SLC25A21: variants seen among roughly 807,000 people sequenced by gnomAD.
SLC25A21 encodes solute carrier family 25 member 21.
Under a neutral mutation model 43.8 loss-of-function variants are expected in SLC25A21, and 47 were observed. The observed-to-expected ratio is 1.07, with a 90% CI of 0.85 to 1.37. The LOEUF is 1.37. Ranked by LOEUF, SLC25A21 falls within the 40% of genes most tolerant of loss-of-function variation. SLC25A21 has a pLI of 0.00. For missense variants in SLC25A21, 352 were observed against 350.2 expected (o/e 1.00, Z -0.04); for synonymous variants, 131 against 121.3 (o/e 1.08, Z -0.52).
intron 2 of SLC25A21, among the ~76,000 whole-genome samples, chr14:36,843,897 A>C (rs1490853659): frequency 6.6e-6 from 1 of 152,186 alleles, no homozygotes; most frequent in Non-Finnish European, 1.5e-5. Flanking sequence ...GTATCTCTTC[A>C]TGTCAGAGAG....
intron 1 of SLC25A21, among the ~76,000 whole-genome samples, chr14:37,018,007 G>A (rs1259993283): frequency 2.0e-5 from 3 of 151,596 alleles, no homozygotes; most frequent in Non-Finnish European, 4.4e-5. Flanking sequence ...TGTAAACTAT[G>A]CAATGATATA....
intron 5 of SLC25A21, among the ~76,000 whole-genome samples, chr14:36,728,543 C>A (rs1433595294): frequency 7.9e-5 from 12 of 152,174 alleles, no homozygotes; most frequent in Non-Finnish European, 4.4e-5. Context: ...AGCCATGTCT[C>A]CCAGCTATCT....
chr14:36,837,623 G>A (rs1213496187), intron 2 of SLC25A21, among the ~76,000 whole-genome samples: 8 of 152,130 alleles, frequency 5.3e-5, no homozygotes, highest in African/African-American at 1.4e-4. Flanking sequence ...CAGGCTTGGC[G>A]AGCAATGGCT....
At chr14:36,776,215 T>C (rs966285310) in intron 3 of SLC25A21, among the ~76,000 whole-genome samples, 2 of 130,944 alleles carry the variant, frequency 1.5e-5, no homozygotes, top group Non-Finnish European at 3.1e-5. Flanking sequence ...ACTGCTTTCT[T>C]TTTTCTTTTT....
intron 1 of SLC25A21, among the ~76,000 whole-genome samples, chr14:37,114,600 A>C (rs1390698936): frequency 6.6e-6 from 1 of 152,202 alleles, no homozygotes; most frequent in Non-Finnish European, 1.5e-5. Flanking sequence ...TCACATTATC[A>C]ATATATCATA....
intron 1 of SLC25A21, among the ~76,000 whole-genome samples, chr14:36,903,497 C>T (rs1891450295): frequency 6.6e-6 from 1 of 151,430 alleles, no homozygotes; most frequent in African/African-American, 2.4e-5. Context: ...CCTGTAATCC[C>T]AGCTACTCGG....
At chr14:37,050,154 G>A (rs1961673905) in intron 1 of SLC25A21, among the ~76,000 whole-genome samples, 1 of 152,186 alleles carries the variant, frequency 6.6e-6, no homozygotes. Flanking sequence ...TTTGCCTTTA[G>A]TGTGAAGTGT....
chr14:37,022,834 A>G (rs1961015534), intron 1 of SLC25A21, among the ~76,000 whole-genome samples: 1 of 152,080 alleles, frequency 6.6e-6, no homozygotes. Flanking sequence ...GAATTAGGAC[A>G]AATCATTTCT....
intron 2 of SLC25A21, among the ~76,000 whole-genome samples, chr14:36,834,878 A>C (rs1889155833): frequency 6.6e-6 from 1 of 152,218 alleles, no homozygotes; most frequent in African/African-American, 2.4e-5. Flanking sequence ...TAGCATAAAC[A>C]CAAGTATGAT....
At chr14:36,798,082 T>C (rs550883248) in intron 3 of SLC25A21, among the ~76,000 whole-genome samples, 2 of 152,316 alleles carry the variant, frequency 1.3e-5, no homozygotes, top group East Asian at 3.9e-4. Context: ...GATTAGAAGT[T>C]CAATAAAATG....
intron 1 of SLC25A21, among the ~76,000 whole-genome samples, chr14:36,977,185 T>C (rs546301523): frequency 6.6e-6 from 1 of 152,322 alleles, no homozygotes; most frequent in South Asian, 2.1e-4. Context: ...TTTTCTGATC[T>C]GGGGATCTAT....
chr14:37,155,147 T>A (rs1324134783), intron 1 of SLC25A21, among the ~76,000 whole-genome samples: 1 of 152,030 alleles, frequency 6.6e-6, no homozygotes, highest in East Asian at 1.9e-4. Flanking sequence ...CTCAGCTCAC[T>A]GCAACCTCTG....
chr14:36,962,869 T>G (rs556853475), intron 1 of SLC25A21, among the ~76,000 whole-genome samples: 6 of 152,316 alleles, frequency 3.9e-5, no homozygotes, highest in African/African-American at 1.4e-4. Context: ...TGAAATTCAT[T>G]TTTAATAATT....
At chr14:36,798,570 G>GT (rs1171910175) in intron 3 of SLC25A21, among the ~76,000 whole-genome samples, 1 of 145,650 alleles carries the variant, frequency 6.9e-6, no homozygotes, top group Non-Finnish European at 1.5e-5. Flanking sequence ...TTTTTTTAAT[G>GT]TAACTGGTAT....
chr14:36,881,280 T>C (rs1890715500), intron 1 of SLC25A21, among the ~76,000 whole-genome samples: 1 of 152,190 alleles, frequency 6.6e-6, no homozygotes, highest in East Asian at 1.9e-4. Flanking sequence ...GTATTCTTTA[T>C]ATTTGAGATT....
intron 1 of SLC25A21, among the ~76,000 whole-genome samples, chr14:37,061,027 T>C (rs1961937470): frequency 1.3e-5 from 2 of 152,136 alleles, no homozygotes; most frequent in Non-Finnish European, 2.9e-5. Flanking sequence ...AGGAAGTGAA[T>C]GCAGGTGGTT....
chr14:36,754,244 G>T (rs1179077656), intron 3 of SLC25A21, among the ~76,000 whole-genome samples: 1 of 152,120 alleles, frequency 6.6e-6, no homozygotes, highest in East Asian at 1.9e-4. Flanking sequence ...GGCCTGAGTA[G>T]AACAAAAGGC....
chr14:36,771,639 T>C lies in SLC25A21; in HGVS notation c.204-37066A>G, dbSNP rs147648520. Among the ~76,000 whole-genome samples the C allele has an allele frequency of 1.2e-3, 180 of 152,234 alleles. 2 individuals carry two copies. The highest frequency in any genetic ancestry group is 4.0e-3 in the African/African-American group (168 of 41,534). On this transcript the variant is annotated intron_variant, in intron 3 of 9. Coordinates refer to ENST00000331299, the MANE Select transcript of SLC25A21 (RefSeq NM_030631.4). ...GAAGAGTTTCTCTCTTGCTAAACCA[T>C]ATAGTTTTAGAACTATATATAGTTT...
intron 1 of SLC25A21, among the ~76,000 whole-genome samples, chr14:36,959,009 A>C (rs1959418090): frequency 6.6e-6 from 1 of 152,146 alleles, no homozygotes; most frequent in Non-Finnish European, 1.5e-5. Context: ...GTTCCACCCT[A>C]TTCAAGCATG....
Sources: gnomAD v4.1 joint callset for allele counts (sites outside exome capture counted in the v4.1 genomes callset) on GRCh38, gnomAD v4.1.1 for gene constraint, MANE v1.5 for transcripts, NCBI Gene and HGNC (gene_info 2026-07-23, HGNC 2026-07-21) for gene names.